The following RAF1 variants were observed in gnomAD, a reference collection of about 807,000 sequenced individuals.
The protein encoded by RAF1 is RAF proto-oncogene serine/threonine-protein kinase.
A neutral mutation model predicts 81.1 loss-of-function variants in RAF1; 27 were observed. The ratio of observed to expected loss-of-function variants is 0.33; its 90% CI spans 0.25 to 0.46. The LOEUF (loss-of-function observed/expected upper bound fraction) is 0.46. Among genes scored for constraint, RAF1 ranks in the 20% least tolerant of loss-of-function variants. The pLI is 1.00. For synonymous variants in RAF1, 298 were observed against 294.0 expected, an observed-to-expected ratio of 1.01 and a Z score of -0.14; for missense variants, 598 against 826.0, an observed-to-expected ratio of 0.72 and a Z score of 3.38.
chr3:12,591,880 T>C (rs2058525382), intron 11 of RAF1, 88 bp from the exon 11 acceptor site: 2 of 1,064,412 alleles, frequency 1.9e-6, no homozygotes, highest in African/African-American at 1.5e-5. Context: ...CAGTGAATCA[T>C]TTATCCAAAG....
At chr3:12,643,819 A>T (rs908242109) in intron 1 of RAF1, among the ~76,000 whole-genome samples, 1 of 152,186 alleles carries the variant, frequency 6.6e-6, no homozygotes, top group Non-Finnish European at 1.5e-5. Context: ...CTGAGAAGTG[A>T]TCTTACATAG....
intron 14 of RAF1, 130 bp from the exon 14 acceptor site, chr3:12,585,929 C>CTAAGG: frequency 1.3e-6 from 1 of 753,728 alleles, no homozygotes; most frequent in Non-Finnish European, 2.4e-6. Context: ...ACTGAACTTC[C>CTAAGG]TAAGGTTTCT....
At chr3:12,623,631 A>G (rs759102716) in intron 1 of RAF1, among the ~76,000 whole-genome samples, 7 of 151,766 alleles carry the variant, frequency 4.6e-5, no homozygotes, top group Admixed American at 6.6e-5. Context: ...CCCCTCTACT[A>G]AAAATACAAA....
At chr3:12,663,052 C>T (rs2060929890) in intron 1 of RAF1, among the ~76,000 whole-genome samples, 1 of 152,128 alleles carries the variant, frequency 6.6e-6, no homozygotes, top group Non-Finnish European at 1.5e-5. Context: ...CAGGGGCACA[C>T]CCAGAGCCCT....
intron 1 of RAF1, among the ~76,000 whole-genome samples, chr3:12,656,055 A>G (rs985138604): frequency 4.7e-5 from 7 of 150,088 alleles, no homozygotes; most frequent in African/African-American, 1.7e-4. Context: ...AGATACACAC[A>G]CACACACCCC....
At chr3:12,644,825 C>T (rs1037550308) in intron 1 of RAF1, among the ~76,000 whole-genome samples, 2 of 151,968 alleles carry the variant, frequency 1.3e-5, no homozygotes, top group Non-Finnish European at 2.9e-5. Context: ...GGCGGCCAGG[C>T]GTGGTGGCTC....
chr3:12,646,844 C>T (rs551690158), intron 1 of RAF1, among the ~76,000 whole-genome samples: 1 of 151,790 alleles, frequency 6.6e-6, no homozygotes, highest in Non-Finnish European at 1.5e-5. Flanking sequence ...CCACCACGCC[C>T]AGCCTAATTT....
Position 12,590,905 on chromosome 3 carries a change from G to A in RAF1, c.1323C>T (p.Thr441=). The change falls in exon 13 of 18, where the codon ACC becomes ACT. Residue 441 remains threonine (T), a synonymous_variant. Transcript: ENST00000442415. ...AGAGGCTGCTGCCCTCGCACCACTG[G>A]GTCACAATTGCCAGGTTGTCCTTTG... The A allele has an allele frequency of 6.2e-7, 1 of 1,613,236 alleles. No individual in the cohort carries two copies.
At chr3:12,643,446 A>G (rs1233246534) in intron 1 of RAF1, among the ~76,000 whole-genome samples, 5 of 152,190 alleles carry the variant, frequency 3.3e-5, no homozygotes, top group Non-Finnish European at 1.5e-5. Context: ...GACTTGTTTA[A>G]AAATTAAAAA....
chr3:12,590,556 C>T (rs1279061184), intron 13 of RAF1: 3 of 527,084 alleles, frequency 5.7e-6, no homozygotes, highest in Non-Finnish European at 1.0e-5. Context: ...AAACTACTGG[C>T]CTCAAGTGAT....
At chr3:12,605,333 G>A (rs927975707) in intron 6 of RAF1, among the ~76,000 whole-genome samples, 5 of 149,872 alleles carry the variant, frequency 3.3e-5, no homozygotes, top group African/African-American at 1.2e-4. Context: ...TGTCACCAAG[G>A]CTGGAGTGCA....
chr3:12,651,026 G>C (rs890327976), intron 1 of RAF1, among the ~76,000 whole-genome samples: 1 of 152,170 alleles, frequency 6.6e-6, no homozygotes, highest in African/African-American at 2.4e-5. Flanking sequence ...AAATGAGCCT[G>C]ATGAAGGATA....
At chr3:12,618,313 C>G (rs2059439930) in intron 2 of RAF1, among the ~76,000 whole-genome samples, 3 of 149,162 alleles carry the variant, frequency 2.0e-5, no homozygotes, top group African/African-American at 7.4e-5. Context: ...GCAAGAGTAA[C>G]AGAAGGAAGG....
intron 1 of RAF1, among the ~76,000 whole-genome samples, chr3:12,632,260 G>C (rs2059885377): frequency 1.4e-5 from 2 of 147,728 alleles, no homozygotes; most frequent in Admixed American, 6.9e-5. Flanking sequence ...GGAGGCAGAG[G>C]TTGCAGTGAG....
In RAF1 at chr3:12,584,351, AAAG is replaced by A. The variant is rs2058246205; in HGVS notation, c.*160_*162del. The A allele has an allele frequency of 1.2e-6, 1 of 862,556 alleles. No homozygotes were observed. The highest frequency in any genetic ancestry group is 2.7e-5 in the East Asian group (1 of 37,524). 53.4% of individuals were successfully genotyped at this position (862,556 alleles called of 1,614,324 possible). A position where few individuals can be genotyped will look rare whatever the true frequency, so the allele number is the denominator to read the frequency against. On this transcript the variant is annotated 3_prime_UTR_variant, in exon 18 of 18. Transcript: ENST00000442415. ...TTCTCCCAGGGCCCAAAGGGATAGA[AAAG>A]AAGGCAACATGAAGTTAAGGCCCTG...
chr3:12,638,527 T>A (rs937180133), intron 1 of RAF1, among the ~76,000 whole-genome samples: 7 of 152,214 alleles, frequency 4.6e-5, no homozygotes, highest in Non-Finnish European at 7.3e-5. Flanking sequence ...TACTATAGAA[T>A]TCTACGTCAG....
intron 1 of RAF1, among the ~76,000 whole-genome samples, chr3:12,641,129 C>T (rs1196338554): frequency 1.4e-5 from 2 of 147,662 alleles, no homozygotes; most frequent in Non-Finnish European, 3.0e-5. Flanking sequence ...AACCAAACGC[C>T]GCATATTCTC....
intron 1 of RAF1, among the ~76,000 whole-genome samples, chr3:12,659,449 C>T (rs1347000460): frequency 2.9e-5 from 1 of 34,912 alleles, no homozygotes; most frequent in Non-Finnish European, 5.7e-5. Flanking sequence ...AAAAAAATTA[C>T]ACGCAAGATA....
chr3:12,593,570 G>T (rs2058590323), intron 11 of RAF1, among the ~76,000 whole-genome samples: 1 of 146,824 alleles, frequency 6.8e-6, no homozygotes, highest in Admixed American at 6.7e-5. Context: ...GCCGGTGAAG[G>T]TGCTGTTGAC....
Sources: allele counts gnomAD v4.1 joint callset (sites outside exome capture counted in the v4.1 genomes callset), GRCh38; gene constraint gnomAD v4.1.1; transcripts MANE v1.5; gene names NCBI Gene and HGNC (gene_info 2026-07-23, HGNC 2026-07-21).